Variants in CACNA2D3 observed in about 807,000 individuals in gnomAD.
CACNA2D3 encodes calcium voltage-gated channel auxiliary subunit alpha2delta 3, also known as voltage-dependent calcium channel subunit alpha-2/delta-3.
Under a neutral mutation model 160.6 loss-of-function variants are expected in CACNA2D3, and 60 were observed. The ratio of observed to expected loss-of-function variants is 0.37; its 90% confidence interval spans 0.30 to 0.46. CACNA2D3 has a LOEUF of 0.46. Among genes scored for constraint, CACNA2D3 ranks in the 20% least tolerant of loss-of-function variants. CACNA2D3 has a pLI of 1.00. For missense variants in CACNA2D3, 1,205 were observed against 1,365.0 expected, an observed-to-expected ratio of 0.88 and a Z score of 1.85; for synonymous variants, 558 against 492.9, an observed-to-expected ratio of 1.13 and a Z score of -1.75.
chr3:54,789,043 G>A (rs181181639), intron 13 of CACNA2D3, among the ~76,000 whole-genome samples: 55 of 152,206 alleles, frequency 3.6e-4, no homozygotes, highest in African/African-American at 1.1e-3. Flanking sequence ...TTTATTGAAT[G>A]CTCACAGTTG....
rs1409991057 is a variant in CACNA2D3, at chr3:54,807,869, G to A, written c.1381-8984G>A. ...GCACATATACACCATGGAATACTAT[G>A]CAGCCATAAAAAATGATGAGTTCAT... On this transcript the variant is annotated intron_variant, in intron 13 of 37. Coordinates refer to ENST00000474759, the MANE Select transcript of CACNA2D3 (RefSeq NM_018398.3). Among the ~76,000 whole-genome samples, 571 of 149,988 alleles carry A rather than the reference G, an allele frequency of 3.8e-3. 5 individuals carry two copies. The highest frequency in any genetic ancestry group is 0.012 in the African/African-American group (498 of 40,774).
chr3:54,233,512 TA>T (rs765592664), intron 2 of CACNA2D3, among the ~76,000 whole-genome samples: 17 of 152,220 alleles, frequency 1.1e-4, no homozygotes, highest in Non-Finnish European at 1.9e-4. Context: ...AAGGCTGCCC[TA>T]CCTTTTTGGC....
chr3:54,531,633 G>A (rs750868783), intron 5 of CACNA2D3, among the ~76,000 whole-genome samples: 11 of 152,182 alleles, frequency 7.2e-5, no homozygotes, highest in Non-Finnish European at 1.2e-4. Context: ...GCAGAGTCCA[G>A]GAGAAGCAAA....
intron 10 of CACNA2D3, among the ~76,000 whole-genome samples, chr3:54,636,426 A>G (rs1438361521): frequency 6.6e-6 from 1 of 152,040 alleles, no homozygotes; most frequent in Non-Finnish European, 1.5e-5. Context: ...GAGTGAGTAC[A>G]GCTGAAGGAG....
At chr3:54,891,521 T>A (rs932876465) in intron 25 of CACNA2D3, 71 bp downstream of exon 25, 3 of 1,177,478 alleles carry the variant, frequency 2.5e-6, no homozygotes, top group Non-Finnish European at 3.8e-6. Flanking sequence ...GAAGCTTATT[T>A]CATTTCTTGA....
At chr3:54,918,463 G>A (rs1700728519) in intron 27 of CACNA2D3, 2 of 1,612,208 alleles carry the variant, frequency 1.2e-6, no homozygotes, top group African/African-American at 1.3e-5. Flanking sequence ...AAGCTCTCAG[G>A]CTGGTGAGCT....
intron 4 of CACNA2D3, among the ~76,000 whole-genome samples, chr3:54,492,609 G>A (rs1701128351): frequency 6.6e-6 from 1 of 152,154 alleles, no homozygotes; most frequent in African/African-American, 2.4e-5. Flanking sequence ...CTTTCATTTG[G>A]TCAACCAACA....
intron 11 of CACNA2D3, among the ~76,000 whole-genome samples, chr3:54,719,212 G>A (rs1701124542): frequency 7.0e-6 from 1 of 143,228 alleles, no homozygotes; most frequent in South Asian, 2.2e-4. Context: ...AATGTTGAAA[G>A]AATAAGGATT....
intron 35 of CACNA2D3, among the ~76,000 whole-genome samples, chr3:55,071,538 T>A (rs1341176132): frequency 6.6e-6 from 1 of 152,190 alleles, no homozygotes; most frequent in Non-Finnish European, 1.5e-5. Context: ...CTCTCTTTTT[T>A]CCTCAGAACT....
chr3:54,614,841 T>C (rs1698816463), intron 9 of CACNA2D3, among the ~76,000 whole-genome samples: 1 of 151,978 alleles, frequency 6.6e-6, no homozygotes, highest in African/African-American at 2.4e-5. Flanking sequence ...ATAAATTAAA[T>C]ATCCCTCCAC....
intron 27 of CACNA2D3, among the ~76,000 whole-genome samples, chr3:54,939,366 G>A (rs945879921): frequency 6.6e-6 from 1 of 152,162 alleles, no homozygotes; most frequent in African/African-American, 2.4e-5. Flanking sequence ...CTCATCTGCC[G>A]GACTTCAAAG....
intron 4 of CACNA2D3, among the ~76,000 whole-genome samples, chr3:54,485,092 G>A (rs956974685): frequency 1.3e-5 from 2 of 151,858 alleles, no homozygotes; most frequent in Admixed American, 1.3e-4. Context: ...TGATTTGCCC[G>A]CCTCGGCCTC....
At chr3:54,578,008 G>A (rs1281646950) in intron 8 of CACNA2D3, among the ~76,000 whole-genome samples, 11 of 152,190 alleles carry the variant, frequency 7.2e-5, no homozygotes, top group South Asian at 2.1e-4. Flanking sequence ...TTTCCTTACC[G>A]TGTAGTTGGT....
At chr3:54,978,201 G>A (rs373432933) in intron 29 of CACNA2D3, among the ~76,000 whole-genome samples, 43 of 152,232 alleles carry the variant, frequency 2.8e-4, no homozygotes, top group African/African-American at 7.9e-4. Context: ...TGCCTTAACC[G>A]TCTGGGAATG....
chr3:54,819,398 C>G (rs1200339508), intron 14 of CACNA2D3, among the ~76,000 whole-genome samples: 1 of 152,182 alleles, frequency 6.6e-6, no homozygotes, highest in Non-Finnish European at 1.5e-5. Context: ...GACTTGACCC[C>G]TGGTGCTTCA....
intron 2 of CACNA2D3, among the ~76,000 whole-genome samples, chr3:54,149,932 C>T (rs62251043): frequency 0.076 from 1,785 of 23,442 alleles, 61 homozygotes; most frequent in East Asian, 0.16. Flanking sequence ...TCTCTCTCTC[C>T]CTCCCTCCCT....
At chr3:54,490,352 C>T (rs903391234) in intron 4 of CACNA2D3, among the ~76,000 whole-genome samples, 1 of 152,108 alleles carries the variant, frequency 6.6e-6, no homozygotes, top group African/African-American at 2.4e-5. Flanking sequence ...GCTCCCACGC[C>T]CTGGCTCTCC....
At chr3:54,350,982 G>GTTTTTTTTTTTTTTTTTT (rs1491034355) in intron 3 of CACNA2D3, among the ~76,000 whole-genome samples, 1 of 61,818 alleles carries the variant, frequency 1.6e-5, no homozygotes, top group Non-Finnish European at 3.0e-5. Context: ...TTTTTTTTTT[G>GTTTTTTTTTTTTTTTTTT]TTTGTTTTTT....
intron 5 of CACNA2D3, among the ~76,000 whole-genome samples, chr3:54,512,779 G>T (rs1701480011): frequency 6.6e-6 from 1 of 152,202 alleles, no homozygotes; most frequent in South Asian, 2.1e-4. Flanking sequence ...GTCAGTGAAA[G>T]GCTGTAGGGC....
Sources: gnomAD v4.1 joint callset for allele counts (sites outside exome capture counted in the v4.1 genomes callset) on GRCh38, gnomAD v4.1.1 for gene constraint, MANE v1.5 for transcripts, NCBI Gene and HGNC (gene_info 2026-07-23, HGNC 2026-07-21) for gene names.